Variants in LUZP2 observed in about 807,000 individuals in gnomAD.
LUZP2 encodes the protein leucine zipper protein 2.
In LUZP2, 52 loss-of-function variants were observed where a neutral mutation model predicts 51.6. The observed-to-expected ratio is 1.01, with a 90% confidence interval of 0.81 to 1.27. LUZP2 has a LOEUF of 1.27. LUZP2 is among the 50% of genes most tolerant of loss of function. The pLI, the probability that LUZP2 is intolerant of heterozygous loss-of-function variation, is 0.00. For synonymous variants in LUZP2, 154 were observed against 137.3 expected (o/e 1.12, Z -0.85); for missense variants, 436 against 395.4 (o/e 1.10, Z -0.87).
intron 10 of LUZP2, among the ~76,000 whole-genome samples, chr11:25,068,584 T>G (rs1383904448): frequency 6.6e-6 from 1 of 151,994 alleles, no homozygotes; most frequent in African/African-American, 2.4e-5. Flanking sequence ...GGAAGAGTCA[T>G]ACTGATGACA....
At chr11:24,540,849 A>G (rs1417517241) in intron 1 of LUZP2, among the ~76,000 whole-genome samples, 1 of 152,080 alleles carries the variant, frequency 6.6e-6, no homozygotes, top group Non-Finnish European at 1.5e-5. Flanking sequence ...TAATAGAATC[A>G]TATCCCTAAA....
intron 10 of LUZP2, among the ~76,000 whole-genome samples, chr11:25,076,807 A>C (rs16913599): frequency 6.7e-6 from 1 of 149,674 alleles, no homozygotes; most frequent in African/African-American, 2.5e-5. Context: ...GGTGAAGCTA[A>C]TAAGTAAGAT....
At chr11:24,838,658 A>G (rs1303487522) in intron 5 of LUZP2, among the ~76,000 whole-genome samples, 2 of 151,662 alleles carry the variant, frequency 1.3e-5, no homozygotes, top group Non-Finnish European at 3.0e-5. Flanking sequence ...TGTTTTTGAA[A>G]AAGATTTTCC....
chr11:25,039,605 C>T lies in LUZP2; in HGVS notation c.766-10433C>T, dbSNP rs12575872. 6.7e-3 allele frequency among the ~76,000 whole-genome samples: 1,027 copies of T among 152,250 alleles called. 33 individuals carry two copies. The East Asian group carries it at 0.098, about 15-fold the overall frequency. ...AAATCCATGTGTGCTGCAGCTCCAT[C>T]TCTGTCTAATACCTGGGGAGATCCC... is the stretch of plus-strand genomic sequence containing the variant. On this transcript the variant is annotated intron_variant, in intron 9 of 11. Coordinates refer to ENST00000336930, the MANE Select transcript of LUZP2 (RefSeq NM_001009909.4).
At chr11:25,038,882 C>T (rs1857947376) in intron 9 of LUZP2, among the ~76,000 whole-genome samples, 1 of 152,134 alleles carries the variant, frequency 6.6e-6, no homozygotes. Flanking sequence ...TGAATTCTTG[C>T]TCTTGGTTTT....
intron 5 of LUZP2, among the ~76,000 whole-genome samples, chr11:24,791,534 A>C (rs373870649): frequency 1.8e-4 from 27 of 149,928 alleles, no homozygotes; most frequent in African/African-American, 5.9e-4. Context: ...AAGGTTTATG[A>C]GAGTTTAAAA....
At chr11:24,817,584 G>C (rs1414854561) in intron 5 of LUZP2, among the ~76,000 whole-genome samples, 1 of 151,996 alleles carries the variant, frequency 6.6e-6, no homozygotes, top group Non-Finnish European at 1.5e-5. Flanking sequence ...CTACAAAAAT[G>C]ATGAATACAA....
At chr11:25,025,733 G>A (rs1230260920) in intron 9 of LUZP2, among the ~76,000 whole-genome samples, 1 of 152,120 alleles carries the variant, frequency 6.6e-6, no homozygotes, top group East Asian at 1.9e-4. Flanking sequence ...AAGACAGTGT[G>A]GCAATTCCTC....
chr11:24,821,616 A>C (rs1850360493), intron 5 of LUZP2, among the ~76,000 whole-genome samples: 1 of 152,138 alleles, frequency 6.6e-6, no homozygotes, highest in Non-Finnish European at 1.5e-5. Context: ...ATGTGGAACT[A>C]GCTGATTTCT....
intron 1 of LUZP2, among the ~76,000 whole-genome samples, chr11:24,633,731 A>G (rs1244437933): frequency 6.6e-6 from 1 of 151,962 alleles, no homozygotes; most frequent in Non-Finnish European, 1.5e-5. Context: ...CTATCTCATA[A>G]TGAATGAATT....
chr11:24,575,278 T>C (rs1180723778), intron 1 of LUZP2, among the ~76,000 whole-genome samples: 1 of 152,160 alleles, frequency 6.6e-6, no homozygotes, highest in Non-Finnish European at 1.5e-5. Context: ...CTTTTCTTAT[T>C]GTCCATGAAG....
intron 9 of LUZP2, among the ~76,000 whole-genome samples, chr11:24,986,411 C>A (rs536130138): frequency 6.6e-6 from 1 of 151,482 alleles, no homozygotes; most frequent in Admixed American, 6.6e-5. Flanking sequence ...CTGTATATCT[C>A]TTTGCAATTT....
chr11:24,774,396 ATATTTATAAAGAATATATT>A (rs1313744217), intron 5 of LUZP2, among the ~76,000 whole-genome samples: 1 of 136,258 alleles, frequency 7.3e-6, no homozygotes, highest in African/African-American at 2.7e-5. Context: ...ACACACACAC[ATATTTATAAAGAATATATT>A]CTTTATATAT....
At chr11:24,860,515 A>G (rs1328791447) in intron 5 of LUZP2, among the ~76,000 whole-genome samples, 3 of 152,120 alleles carry the variant, frequency 2.0e-5, no homozygotes, top group African/African-American at 7.2e-5. Context: ...AGGGGTTGTC[A>G]GGCACCCTAT....
chr11:24,616,018 T>G (rs994067054), intron 1 of LUZP2, among the ~76,000 whole-genome samples: 1 of 151,804 alleles, frequency 6.6e-6, no homozygotes, highest in African/African-American at 2.4e-5. Flanking sequence ...GGTTGCCTTT[T>G]TTTTTTCTTT....
At chr11:24,729,133 T>G in intron 1 of LUZP2, 36 bp from the exon 2 acceptor site, 6 of 1,137,086 alleles carry the variant, frequency 5.3e-6, no homozygotes, top group Non-Finnish European at 7.3e-6. Flanking sequence ...AGTGGAACCA[T>G]TTGGGGGGCT....
At chr11:24,961,863 C>T (rs1855419512) in intron 7 of LUZP2, among the ~76,000 whole-genome samples, 1 of 151,126 alleles carries the variant, frequency 6.6e-6, no homozygotes, top group Admixed American at 6.6e-5. Flanking sequence ...TACATTTTGG[C>T]ATGATTTTGC....
intron 5 of LUZP2, chr11:24,892,679 C>T (rs1038856070): frequency 6.4e-6 from 1 of 156,892 alleles, no homozygotes. Flanking sequence ...TTATTTTATA[C>T]ATAAGAGCTA....
At chr11:24,679,152 A>C (rs916556140) in intron 1 of LUZP2, among the ~76,000 whole-genome samples, 6 of 152,224 alleles carry the variant, frequency 3.9e-5, no homozygotes, top group African/African-American at 1.4e-4. Flanking sequence ...ACCTTATGTC[A>C]TAGGAATACA....
Sources: gnomAD v4.1 joint callset for allele counts (sites outside exome capture counted in the v4.1 genomes callset) on GRCh38, gnomAD v4.1.1 for gene constraint, MANE v1.5 for transcripts, NCBI Gene and HGNC (gene_info 2026-07-23, HGNC 2026-07-21) for gene names.